RBFOX1: variants seen among roughly 807,000 people sequenced by gnomAD.
The protein encoded by RBFOX1 is RNA binding fox-1 homolog 1, also known as RNA binding protein fox-1 homolog 1.
A neutral mutation model predicts 57.7 loss-of-function variants in RBFOX1; 8 were observed. The observed-to-expected ratio is 0.14, with a 90% confidence interval of 0.08 to 0.25. The LOEUF is 0.25. RBFOX1 is among the 10% of genes least tolerant of loss of function. The pLI is 1.00. For missense variants in RBFOX1, 611 were observed against 548.5 expected (o/e 1.11, Z -1.14); for synonymous variants, 326 against 222.4 (o/e 1.47, Z -4.15).
At chr16:6,223,426 T>G (rs940324662) in intron 1 of RBFOX1, among the ~76,000 whole-genome samples, 8 of 151,782 alleles carry the variant, frequency 5.3e-5, no homozygotes, top group African/African-American at 1.9e-4. Flanking sequence ...CATTGTGGTT[T>G]TGATTTGCAT....
intron 2 of RBFOX1, among the ~76,000 whole-genome samples, chr16:6,502,762 A>G (rs2095975428): frequency 6.6e-6 from 1 of 152,108 alleles, no homozygotes; most frequent in South Asian, 2.1e-4. Flanking sequence ...CCGATGGATC[A>G]TGATTATCAG....
chr16:7,669,991 C>A (rs1168608732), intron 13 of RBFOX1, among the ~76,000 whole-genome samples: 1 of 152,084 alleles, frequency 6.6e-6, no homozygotes, highest in African/African-American at 2.4e-5. Context: ...CACCACAGCC[C>A]TTGAAACAAG....
intron 4 of RBFOX1, among the ~76,000 whole-genome samples, chr16:7,100,094 A>T (rs549890370): frequency 1.3e-5 from 2 of 151,912 alleles, no homozygotes; most frequent in Non-Finnish European, 2.9e-5. Flanking sequence ...TTTATTTTTG[A>T]TTTACATACT....
intron 4 of RBFOX1, among the ~76,000 whole-genome samples, chr16:7,410,348 C>T (rs2098411311): frequency 6.6e-6 from 1 of 152,192 alleles, no homozygotes; most frequent in African/African-American, 2.4e-5. Flanking sequence ...TGCCCAATGA[C>T]ACTAAATGGC....
At chr16:6,997,127 C>A (rs1180614643) in intron 3 of RBFOX1, among the ~76,000 whole-genome samples, 1 of 152,076 alleles carries the variant, frequency 6.6e-6, no homozygotes, top group African/African-American at 2.4e-5. Flanking sequence ...CCCAAACTTA[C>A]AACTCTCAAT....
chr16:6,732,338 A>G (rs2068836746), intron 3 of RBFOX1, among the ~76,000 whole-genome samples: 1 of 152,188 alleles, frequency 6.6e-6, no homozygotes, highest in Non-Finnish European at 1.5e-5. Flanking sequence ...GATTCTCACG[A>G]GAGAGTGAGT....
At chr16:6,915,554 T>TCC (rs2072931781) in intron 3 of RBFOX1, among the ~76,000 whole-genome samples, 1 of 140,866 alleles carries the variant, frequency 7.1e-6, no homozygotes, top group Non-Finnish European at 1.5e-5. Context: ...ACCCCCCTTT[T>TCC]TTTTTTTTTT....
intron 4 of RBFOX1, among the ~76,000 whole-genome samples, chr16:5,873,672 A>T (rs1305623938): frequency 6.6e-6 from 1 of 152,226 alleles, no homozygotes; most frequent in African/African-American, 2.4e-5. Context: ...TTATAGCATT[A>T]TAGAATAAAT....
chr16:5,437,864 A>T (rs2067964235), intron 1 of RBFOX1, among the ~76,000 whole-genome samples: 1 of 152,188 alleles, frequency 6.6e-6, no homozygotes, highest in Non-Finnish European at 1.5e-5. Context: ...TGAAATATAT[A>T]TTAGAAGCTC....
intron 3 of RBFOX1, among the ~76,000 whole-genome samples, chr16:7,030,988 A>G (rs563125258): frequency 6.6e-6 from 1 of 152,340 alleles, no homozygotes; most frequent in South Asian, 2.1e-4. Context: ...GTGGAGCAGA[A>G]TGATCCTGCA....
At chr16:6,672,269 A>C (rs2098770455) in intron 3 of RBFOX1, among the ~76,000 whole-genome samples, 1 of 152,182 alleles carries the variant, frequency 6.6e-6, no homozygotes, top group South Asian at 2.1e-4. Context: ...CCATTGGAGA[A>C]ATATACATCC....
At chr16:7,226,685 C>T (rs545022799) in intron 4 of RBFOX1, among the ~76,000 whole-genome samples, 4 of 152,220 alleles carry the variant, frequency 2.6e-5, no homozygotes, top group South Asian at 2.1e-4. Context: ...TTTCTAAAAC[C>T]GCAAAAAGTA....
intron 3 of RBFOX1, among the ~76,000 whole-genome samples, chr16:6,693,279 C>A (rs1440529318): frequency 6.6e-6 from 1 of 151,636 alleles, no homozygotes; most frequent in Admixed American, 6.6e-5. Context: ...AACATCACCA[C>A]CGTCATTAGC....
chr16:7,701,703 A>C (rs2080795056), intron 14 of RBFOX1, among the ~76,000 whole-genome samples: 1 of 150,948 alleles, frequency 6.6e-6, no homozygotes, highest in African/African-American at 2.4e-5. Context: ...TAAATGTATA[A>C]GTCATTGCTC....
chr16:6,888,654 A>G (rs1367460629), intron 3 of RBFOX1, among the ~76,000 whole-genome samples: 4 of 152,126 alleles, frequency 2.6e-5, no homozygotes, highest in African/African-American at 7.2e-5. Context: ...TATTTATACT[A>G]TTTCTGACCC....
intron 4 of RBFOX1, among the ~76,000 whole-genome samples, chr16:7,457,038 C>G (rs991294481): frequency 6.6e-6 from 1 of 152,122 alleles, no homozygotes; most frequent in East Asian, 1.9e-4. Context: ...CAGGCACGCA[C>G]CACCACGCCC....
At chr16:5,593,705 C>A (rs544087314) in intron 2 of RBFOX1, among the ~76,000 whole-genome samples, 7 of 152,242 alleles carry the variant, frequency 4.6e-5, no homozygotes, top group African/African-American at 1.7e-4. Context: ...CCTTGTTTTG[C>A]GTATCAAGAA....
chr16:7,245,452 C>G (rs1022997265), intron 4 of RBFOX1, among the ~76,000 whole-genome samples: 1 of 80,704 alleles, frequency 1.2e-5, no homozygotes, highest in East Asian at 2.3e-4. Context: ...GTTTGAAACT[C>G]AAGGTTAAAC....
chr16:7,567,593 C>CTATATATATATCCTTATATATGGCCCTA (rs2092155981), intron 5 of RBFOX1, among the ~76,000 whole-genome samples: 1 of 92,868 alleles, frequency 1.1e-5, no homozygotes, highest in East Asian at 2.3e-4. Flanking sequence ...ATATATGGCC[C>CTATATATATATCCTTATATATGGCCCTA]TATATATATA....
Sources: gnomAD v4.1 joint callset for allele counts (sites outside exome capture counted in the v4.1 genomes callset) on GRCh38, gnomAD v4.1.1 for gene constraint, MANE v1.5 for transcripts, NCBI Gene and HGNC (gene_info 2026-07-23, HGNC 2026-07-21) for gene names.